The following WDPCP variants were observed in gnomAD, a reference collection of about 807,000 sequenced individuals.
The protein encoded by WDPCP is WD repeat containing planar cell polarity effector, also known as WD repeat-containing and planar cell polarity effector protein fritz homolog.
A neutral mutation model predicts 93.1 loss-of-function variants in WDPCP; 71 were observed. That is an observed-to-expected ratio of 0.76 (90% confidence interval 0.63 to 0.93). The LOEUF is 0.93. WDPCP is among the 40% of genes least tolerant of loss of function. WDPCP has a pLI of 0.00. For missense variants in WDPCP, 844 were observed against 887.4 expected, an observed-to-expected ratio of 0.95 and a Z score of 0.62; for synonymous variants, 315 against 315.0, an observed-to-expected ratio of 1.00 and a Z score of 0.00.
At chr2:63,632,587 AATAG>A in intron 3 of WDPCP, among the ~76,000 whole-genome samples, 1 of 152,300 alleles carries the variant, frequency 6.6e-6, no homozygotes, top group Non-Finnish European at 1.5e-5. Flanking sequence ...TGCAAAATGA[AATAG>A]AGAGCATCAA....
At chr2:63,204,860 A>T (rs1331812214) in intron 14 of WDPCP, among the ~76,000 whole-genome samples, 1 of 151,966 alleles carries the variant, frequency 6.6e-6, no homozygotes, top group Non-Finnish European at 1.5e-5. Flanking sequence ...ACTTGATATG[A>T]TCCCATTTGT....
intron 17 of WDPCP, among the ~76,000 whole-genome samples, chr2:63,137,576 A>C (rs1360476341): frequency 6.6e-6 from 1 of 152,026 alleles, no homozygotes; most frequent in Non-Finnish European, 1.5e-5. Context: ...CCCATTAGTC[A>C]ATTTTGCTTT....
chr2:63,529,994 T>A (rs1219964604), intron 1 of WDPCP, among the ~76,000 whole-genome samples: 1 of 152,208 alleles, frequency 6.6e-6, no homozygotes, highest in Non-Finnish European at 1.5e-5. Flanking sequence ...TGTAGAGGTG[T>A]TTATAGTATT....
chr2:63,518,270 G>C (rs962471487), intron 1 of WDPCP: 6 of 152,440 alleles, frequency 3.9e-5, no homozygotes, highest in African/African-American at 1.2e-4. Context: ...GGTGGATGAA[G>C]GGATGGCACT....
At position 63,479,715 on chromosome 2, in the gene WDPCP, G is replaced by C. The variant is rs1181095342; in HGVS notation, c.384+4889C>G. 3.9e-5 allele frequency among the ~76,000 whole-genome samples: 6 copies of C among 152,222 alleles called. No individual in the cohort carries two copies. The South Asian group carries it at 1.0e-3, about 26-fold the overall frequency. ...CCCACAGCCAACATAATACTGAATG[G>C]GGAAAGGTTGAAAGCATTTCCCCTG... On this transcript the variant is annotated intron_variant, in intron 6 of 17. Coordinates refer to ENST00000272321, the MANE Select transcript of WDPCP (RefSeq NM_015910.7).
chr2:63,381,868 A>T, intron 11 of WDPCP, 38 bp downstream of exon 11: 1 of 1,605,384 alleles, frequency 6.2e-7, no homozygotes, highest in Non-Finnish European at 8.5e-7. Context: ...TTTCATGTAT[A>T]TACAAAACTC....
chr2:63,363,832 C>T (rs1690681115), intron 12 of WDPCP, among the ~76,000 whole-genome samples: 2 of 152,076 alleles, frequency 1.3e-5, no homozygotes, highest in Admixed American at 1.3e-4. Flanking sequence ...TCTCTTTCCT[C>T]CAAATTCCAC....
chr2:63,608,418 G>A (rs945278424), intron 3 of WDPCP, among the ~76,000 whole-genome samples: 2 of 152,052 alleles, frequency 1.3e-5, no homozygotes, highest in Non-Finnish European at 1.5e-5. Flanking sequence ...GATGGCAGAA[G>A]GCATTTTCTA....
intron 17 of WDPCP, among the ~76,000 whole-genome samples, chr2:63,148,297 AGT>A (rs1671662436): frequency 1.3e-5 from 2 of 152,228 alleles, no homozygotes; most frequent in South Asian, 4.2e-4. Context: ...ACTGCACTCC[AGT>A]CTGGGTGACA....
At position 63,412,781 on chromosome 2, in the gene WDPCP, CA is replaced by C. The variant is rs141811253; in HGVS notation, c.826-8125del. ...AACTCAACCCCTTTTATAATAGCTG[CA>C]AAAAAAAAAATGCTTAGGAATATAC... On this transcript the variant is annotated intron_variant, in intron 9 of 17. Coordinates refer to ENST00000272321, the MANE Select transcript of WDPCP (RefSeq NM_015910.7). 3.4e-3 allele frequency among the ~76,000 whole-genome samples: 494 copies of C among 146,834 alleles called. 1 individual carries two copies. Among genetic ancestry groups the C allele is most frequent in the Middle Eastern group, 0.01 (3 of 290 alleles).
At chr2:63,194,957 T>C (rs998773501) in intron 14 of WDPCP, among the ~76,000 whole-genome samples, 2 of 152,198 alleles carry the variant, frequency 1.3e-5, no homozygotes, top group Non-Finnish European at 2.9e-5. Context: ...ACATCTAAAA[T>C]GTACTGGTAG....
chr2:63,837,528 C>T, the WDPCP span, among the ~76,000 whole-genome samples: 1 of 152,136 alleles, frequency 6.6e-6, no homozygotes, highest in Non-Finnish European at 1.5e-5. Context: ...GCTCAAACTA[C>T]ACTGCTTTAT....
intron 2 of WDPCP, among the ~76,000 whole-genome samples, chr2:63,792,234 G>T (rs1670556108): frequency 1.3e-5 from 2 of 152,154 alleles, no homozygotes; most frequent in South Asian, 4.1e-4. Context: ...TGGCTGGGGA[G>T]GCCTCAGGAA....
At chr2:63,645,982 G>C (rs1469172204) in intron 3 of WDPCP, among the ~76,000 whole-genome samples, 2 of 152,052 alleles carry the variant, frequency 1.3e-5, no homozygotes, top group African/African-American at 4.8e-5. Context: ...TGATTGGAGA[G>C]TTTAGTTCAT....
intron 6 of WDPCP, among the ~76,000 whole-genome samples, chr2:63,458,858 C>T (rs1698814273): frequency 1.3e-5 from 2 of 152,098 alleles, no homozygotes; most frequent in Non-Finnish European, 2.9e-5. Context: ...ACCAAAACAG[C>T]ATGATATTCG....
intron 14 of WDPCP, among the ~76,000 whole-genome samples, chr2:63,197,130 CA>C (rs1328535854): frequency 1.3e-5 from 2 of 152,152 alleles, no homozygotes; most frequent in Non-Finnish European, 2.9e-5. Flanking sequence ...TCTGCCACCC[CA>C]AGACAGCAAT....
chr2:63,822,986 T>A (rs1358735223), intron 1 of WDPCP, among the ~76,000 whole-genome samples: 3 of 151,582 alleles, frequency 2.0e-5, no homozygotes, highest in East Asian at 1.9e-4. Context: ...TTTAATTAAA[T>A]CTTTGAAAAA....
intron 3 of WDPCP, among the ~76,000 whole-genome samples, chr2:63,613,877 G>T (rs1709645105): frequency 6.6e-6 from 1 of 152,144 alleles, no homozygotes; most frequent in Admixed American, 6.5e-5. Context: ...AAATGCAATT[G>T]TCTTAAGACC....
chr2:63,550,278 T>C (rs1032372205), intron 1 of WDPCP, among the ~76,000 whole-genome samples: 1 of 151,194 alleles, frequency 6.6e-6, no homozygotes, highest in Non-Finnish European at 1.5e-5. Flanking sequence ...TCTCCTTGGT[T>C]TAAAAACCAA....
Sources: allele counts gnomAD v4.1 joint callset (sites outside exome capture counted in the v4.1 genomes callset), GRCh38; gene constraint gnomAD v4.1.1; transcripts MANE v1.5; gene names NCBI Gene and HGNC (gene_info 2026-07-23, HGNC 2026-07-21).